PDGFRA: variants seen among roughly 807,000 people sequenced by gnomAD.
The protein encoded by PDGFRA is platelet derived growth factor receptor alpha, also known as platelet-derived growth factor receptor alpha.
Under a neutral mutation model 121.5 loss-of-function variants are expected in PDGFRA, and 25 were observed. The ratio of observed to expected loss-of-function variants is 0.21; its 90% CI spans 0.15 to 0.29. PDGFRA has a LOEUF of 0.29. Among genes scored for constraint, PDGFRA ranks in the 10% least tolerant of loss-of-function variants. The pLI is 1.00. For synonymous variants in PDGFRA, 463 were observed against 494.8 expected, an observed-to-expected ratio of 0.94 and a Z score of 0.85; for missense variants, 1,008 against 1,345.1, an observed-to-expected ratio of 0.75 and a Z score of 3.92.
chr4:54,234,672 TC>T (rs1474541459), intron 1 of PDGFRA, among the ~76,000 whole-genome samples: 2 of 152,122 alleles, frequency 1.3e-5, no homozygotes, highest in African/African-American at 4.8e-5. Flanking sequence ...ATAGTGAACA[TC>T]TTATTATCAG....
At chr4:54,277,130 A>T in intron 12 of PDGFRA, 1 of 512,798 alleles carries the variant, frequency 2.0e-6, no homozygotes, top group Non-Finnish European at 3.5e-6. Context: ...CGCTCACACC[A>T]GGGAGGGCTG....
At chr4:54,253,587 T>TC (rs1278289837) in intron 1 of PDGFRA, among the ~76,000 whole-genome samples, 3 of 152,212 alleles carry the variant, frequency 2.0e-5, no homozygotes, top group African/African-American at 7.2e-5. Flanking sequence ...GGGCTGAAGT[T>TC]CAACACATAG....
chr4:54,286,643 C>T (rs535693170), intron 18 of PDGFRA, among the ~76,000 whole-genome samples: 1 of 152,256 alleles, frequency 6.6e-6, no homozygotes, highest in East Asian at 1.9e-4. Flanking sequence ...AGGTGTGAGC[C>T]ACTGCATCTG....
intron 12 of PDGFRA, among the ~76,000 whole-genome samples, chr4:54,275,905 T>C (rs1177489873): frequency 1.3e-5 from 2 of 152,198 alleles, no homozygotes; most frequent in Admixed American, 6.5e-5. Flanking sequence ...AGTTTGACTT[T>C]GAAAAAAAGA....
intron 22 of PDGFRA, 91 bp downstream of exon 22, chr4:54,290,645 C>T: frequency 1.4e-6 from 2 of 1,439,880 alleles, no homozygotes; most frequent in Non-Finnish European, 2.0e-6. Context: ...TGGTGCACTC[C>T]CGGTTGGTAA....
At position 54,277,439 on chromosome 4, in the gene PDGFRA, A is replaced by G. The variant is rs1723800050; in HGVS notation, c.1838A>G (p.Tyr613Cys). 1 of 1,614,076 alleles carries G rather than the reference A, an allele frequency of 6.2e-7. No individual in the cohort carries two copies. Among genetic ancestry groups the G allele is most frequent in the South Asian group, 1.1e-5 (1 of 91,074 alleles). ...GGGAAGGTGGTTGAAGGAACAGCCT[A>G]TGGATTAAGCCGGTCCCAACCTGTC... ...AFGKVVEGTA[Y>C]GLSRSQPVMK... The change falls in exon 13 of 23, where the codon TAT (tyrosine) becomes TGT (cysteine). Residue 613 changes from tyrosine (Y) to cysteine (C), a missense_variant. By Grantham distance (194) the Tyr-to-Cys change is radical (BLOSUM62 -2). Transcript: ENST00000257290.
At chr4:54,289,207 A>G in intron 21 of PDGFRA, 93 bp downstream of exon 21, 2 of 763,644 alleles carry the variant, frequency 2.6e-6, no homozygotes, top group Non-Finnish European at 4.7e-6. Context: ...GAGCATTTTC[A>G]AAAGAGGCAA....
intron 3 of PDGFRA, among the ~76,000 whole-genome samples, chr4:54,261,931 A>ATATATATATTTTTT (rs57094735): frequency 3.4e-5 from 2 of 58,424 alleles, no homozygotes; most frequent in African/African-American, 1.3e-4. Context: ...ATATATATAT[A>ATATATATATTTTTT]TTTTTTTTTT....
chr4:54,251,204 G>A (rs1408222906), intron 1 of PDGFRA, among the ~76,000 whole-genome samples: 1 of 151,930 alleles, frequency 6.6e-6, no homozygotes, highest in East Asian at 1.9e-4. Context: ...CAAAACAAGA[G>A]TTAACAGCAT....
At chr4:54,290,109 G>A (rs1253122726) in intron 21 of PDGFRA, among the ~76,000 whole-genome samples, 2 of 152,226 alleles carry the variant, frequency 1.3e-5, no homozygotes, top group Non-Finnish European at 2.9e-5. Flanking sequence ...CCTAATGGCA[G>A]AAGCTCTTTA....
At chr4:54,240,376 C>T (rs1162958406) in intron 1 of PDGFRA, among the ~76,000 whole-genome samples, 2 of 152,154 alleles carry the variant, frequency 1.3e-5, no homozygotes, top group Non-Finnish European at 2.9e-5. Flanking sequence ...ATTGGCCACC[C>T]CCCAGATGCT....
intron 19 of PDGFRA, 65 bp downstream of exon 19, chr4:54,287,606 C>A (rs1323336890): frequency 1.3e-6 from 1 of 792,354 alleles, no homozygotes; most frequent in Non-Finnish European, 2.3e-6. Flanking sequence ...AAAATGTGTT[C>A]TTTCAAGCCC....
chr4:54,270,771 T>C (rs1382051606), intron 8 of PDGFRA, 23 bp downstream of exon 8: 2 of 1,262,286 alleles, frequency 1.6e-6, no homozygotes, highest in East Asian at 2.3e-5. Flanking sequence ...AGTATAAAGA[T>C]AATGCTAGCT....
intron 19 of PDGFRA, among the ~76,000 whole-genome samples, chr4:54,288,332 C>G (rs573762904): frequency 2.6e-5 from 4 of 152,216 alleles, no homozygotes; most frequent in Admixed American, 2.0e-4. Context: ...AGTTCTCCCT[C>G]CATGGATGAT....
rs1553903309 is a variant in PDGFRA at position 54,267,542 on chromosome 4, C to T, written c.932-10C>T. The T allele has an allele frequency of 6.2e-7, 1 of 1,613,996 alleles. No individual in the cohort carries two copies. Among genetic ancestry groups the T allele is most frequent in the African/African-American group, 1.3e-5 (1 of 74,920 alleles). On this transcript the variant is annotated splice_polypyrimidine_tract_variant and intron_variant, in intron 6 of 22. Coordinates refer to ENST00000257290, the MANE Select transcript of PDGFRA (RefSeq NM_006206.6). ...TAATCATTATTTAATGGAAACTCTTCCCTGTACAGAGAAAGGTTTCATTGA... is the reference window on the plus strand; with the variant it reads ...TAATCATTATTTAATGGAAACTCTTTCCTGTACAGAGAAAGGTTTCATTGA...
rs2110251351 is a variant in PDGFRA at position 54,263,737 on chromosome 4, C to G, written c.438C>G (p.Ala146=). 6.2e-7 allele frequency: 1 copy of G among 1,613,864 alleles called. No homozygotes were observed. ...YLVIVEDDDS[A]IIPCRTTDPE... is the part of the protein sequence containing the mutation. ...TCATCGTGGAGGATGATGATTCTGC[C>G]ATTATACCTTGTCGCACAACTGATC... is the stretch of plus-strand genomic sequence containing the variant. The change falls in exon 4 of 23, where the codon GCC becomes GCG. Residue 146 remains alanine (A), a synonymous_variant. Coordinates refer to ENST00000257290, the MANE Select transcript of PDGFRA (RefSeq NM_006206.6).
intron 1 of PDGFRA, among the ~76,000 whole-genome samples, chr4:54,255,122 G>C (rs1410741861): frequency 6.6e-6 from 1 of 152,046 alleles, no homozygotes. Flanking sequence ...TGTGACCTTG[G>C]GTCATTTGCG....
rs1243632099 is a variant in PDGFRA at position 54,295,315 on chromosome 4, T to C, written c.*43T>C. On this transcript the variant is annotated 3_prime_UTR_variant, in exon 23 of 23. Transcript: ENST00000257290. ...TTCCTTCCACTTCTGGGGCCACCTCTGGATCCCGTTCAGAAAACCACTTTA... is the reference window on the plus strand; with the variant it reads ...TTCCTTCCACTTCTGGGGCCACCTCCGGATCCCGTTCAGAAAACCACTTTA... 6.2e-7 allele frequency: 1 copy of C among 1,607,472 alleles called. No individual in the cohort carries two copies. Among genetic ancestry groups the C allele is most frequent in the East Asian group, 2.2e-5 (1 of 44,852 alleles).
intron 1 of PDGFRA, among the ~76,000 whole-genome samples, chr4:54,247,575 A>C (rs1721763805): frequency 6.6e-6 from 1 of 151,856 alleles, no homozygotes; most frequent in Non-Finnish European, 1.5e-5. Context: ...CGTATCTCAA[A>C]ATAATAAGAG....
Sources: allele counts gnomAD v4.1 joint callset (sites outside exome capture counted in the v4.1 genomes callset), GRCh38; gene constraint gnomAD v4.1.1; transcripts MANE v1.5; gene names NCBI Gene and HGNC (gene_info 2026-07-23, HGNC 2026-07-21).